Variants in LMO3 observed in about 807,000 individuals in gnomAD.
LMO3 encodes LIM domain only 3, also known as LIM domain only protein 3.
In LMO3, 2 loss-of-function variants were observed where a neutral mutation model predicts 15.8. That is an observed-to-expected ratio of 0.13 (90% CI 0.05 to 0.40). The LOEUF is 0.40. LMO3 is among the 10% of genes least tolerant of loss of function. The pLI is 0.99. For missense variants in LMO3, 86 were observed against 182.2 expected (o/e 0.47, Z 3.04); for synonymous variants, 62 against 63.8 (o/e 0.97, Z 0.13).
At chr12:16,607,702 C>CA (rs3832843), upstream of LMO3, 8 of 151,512 alleles carry the variant, frequency 5.3e-5, no homozygotes, top group Non-Finnish European at 1.0e-4. Flanking sequence ...TGTTGAACTA[C>CA]AAAAAACTTT....
chr12:16,593,554 G>A lies in LMO3; in HGVS notation c.206+7101C>T, dbSNP rs150114734. Among the ~76,000 whole-genome samples the A allele has an allele frequency of 8.7e-4, 132 of 151,786 alleles. No individual in the cohort carries two copies. Among genetic ancestry groups the A allele is most frequent in the Non-Finnish European group, 1.5e-3 (99 of 67,738 alleles). On this transcript the variant is annotated intron_variant, in intron 2 of 3. Coordinates refer to ENST00000537304, the MANE Select transcript of LMO3 (RefSeq NM_018640.5). This position sits in a 1 kb window ranked among gnomAD's most constrained non-coding sequence, Gnocchi z 4.2. ...ATTACATAACTACAAAAATACTGTT[G>A]AGAAGAAAAAGGTTTATCAAGAAGA...
At chr12:16,553,301 A>C (rs1296391698) in intron 3 of LMO3, among the ~76,000 whole-genome samples, 94 of 152,074 alleles carry the variant, frequency 6.2e-4, no homozygotes, top group Non-Finnish European at 2.1e-4. Flanking sequence ...TGGATTCAAG[A>C]CTCAAGCTTT....
chr12:16,571,028 TATA>T (rs941344254), intron 2 of LMO3, among the ~76,000 whole-genome samples: 7 of 152,160 alleles, frequency 4.6e-5, no homozygotes, highest in Non-Finnish European at 8.8e-5. Context: ...AAACTTAAAG[TATA>T]ATAATAATAA....
chr12:16,552,116 GTGT>G (rs1425208706), intron 3 of LMO3, among the ~76,000 whole-genome samples: 2 of 151,982 alleles, frequency 1.3e-5, no homozygotes, highest in Non-Finnish European at 2.9e-5. Context: ...TTTTTAATAA[GTGT>G]TCTTTCTGTA....
In LMO3 at chr12:16,604,881, T is replaced by C. The variant is rs1435117280; in HGVS notation, c.-9+1185A>G. 6.3e-7 allele frequency: 1 copy of C among 1,598,426 alleles called. No individual in the cohort carries two copies. Among genetic ancestry groups the C allele is most frequent in the African/African-American group, 1.3e-5 (1 of 75,032 alleles). On this transcript the variant is annotated intron_variant, in intron 1 of 3. Transcript: ENST00000537304. This position sits in a 1 kb window ranked among gnomAD's most constrained non-coding sequence, Gnocchi z 5.3. ...TAACCTTACCAAAACTTTTCTCCTT[T>C]TTCTGCATGAGTTGACTTAGGCGTG...
intron 2 of LMO3, among the ~76,000 whole-genome samples, chr12:16,578,128 C>A (rs1263090039): frequency 6.6e-6 from 1 of 152,100 alleles, no homozygotes; most frequent in African/African-American, 2.4e-5. Flanking sequence ...TCTTGCCAGG[C>A]AACAGAGACT....
Position 16,605,440 on chromosome 12 carries a change from C to T in LMO3, c.-9+626G>A, listed in dbSNP as rs1406371637. ...CACTTCTGCCCCTACCCGCCTGCCC[C>T]CCCCCCCCGCCCCCATGCCCAAACA... On this transcript the variant is annotated intron_variant, in intron 1 of 3. Coordinates refer to ENST00000537304, the MANE Select transcript of LMO3 (RefSeq NM_018640.5). The T allele has an allele frequency of 4.7e-5, 34 of 715,892 alleles. 2 individuals carry two copies. The highest frequency in any genetic ancestry group is 5.6e-5 in the Non-Finnish European group (33 of 592,290). 44.3% of individuals were successfully genotyped at this position (715,892 alleles called of 1,614,324 possible).
chr12:16,602,343 C>G (rs1231307742), intron 1 of LMO3: 1 of 152,186 alleles, frequency 6.6e-6, no homozygotes, highest in Non-Finnish European at 1.5e-5. Context: ...AAAAAAAATC[C>G]CACTGGTAAG....
At position 16,587,807 on chromosome 12, in the gene LMO3, G is replaced by C. The variant is rs984088230; in HGVS notation, c.206+12848C>G. On this transcript the variant is annotated intron_variant, in intron 2 of 3. Transcript: ENST00000537304. The surrounding 1 kb of genome is among the most constrained non-coding windows in gnomAD (Gnocchi z 4.3). ...AAAAATCTCACTGTGTCCTGAATGG[G>C]GGGTTTCAGGGGGAGGGAGAGGAAC... Among the ~76,000 whole-genome samples, 5 of 151,824 alleles carry C rather than the reference G, an allele frequency of 3.3e-5. No individual in the cohort carries two copies. The highest frequency in any genetic ancestry group is 1.2e-4 in the African/African-American group (5 of 41,394).
rs1397700120 is a variant in LMO3, at chr12:16,603,609, AT to A, written c.-9+2456del. 6.6e-6 allele frequency among the ~76,000 whole-genome samples: 1 copy of A among 152,206 alleles called. No homozygotes were observed. The highest frequency in any genetic ancestry group is 1.5e-5 in the Non-Finnish European group (1 of 68,040). ...ATTTGACAGTTTAAGGGAAATCATA[AT>A]TAAAAAAAAGACATAAATAATAGCC... On this transcript the variant is annotated intron_variant, in intron 1 of 3. Transcript: ENST00000537304. The surrounding 1 kb of genome is among the most constrained non-coding windows in gnomAD (Gnocchi z 4.9).
At position 16,597,861 on chromosome 12, in the gene LMO3, C is replaced by G. The variant is rs1943706329; in HGVS notation, c.206+2794G>C. The stretch of plus-strand genomic sequence containing the variant: ...ATTTGGAGGAAAATGAGAAAAATTA[C>G]TTTTAAAGCTCAGGAAAATAACCAC... On this transcript the variant is annotated intron_variant, in intron 2 of 3. Transcript: ENST00000537304. This position sits in a 1 kb window ranked among gnomAD's most constrained non-coding sequence, Gnocchi z 5.0. 2 of 151,760 alleles carry G rather than the reference C, an allele frequency of 1.3e-5. No homozygotes were observed. Among genetic ancestry groups the G allele is most frequent in the South Asian group, 4.1e-4 (2 of 4,826 alleles). The allele number at this position is 151,760 out of a possible 1,614,324, so 9.4% of individuals were successfully genotyped here.
chr12:16,585,506 A>G lies in LMO3; in HGVS notation c.206+15149T>C, dbSNP rs1019572342. The stretch of plus-strand genomic sequence containing the variant: ...ATTATTCAAATTCACCTAATTTTAC[A>G]TATAATTGCAGATTAGAAAACTAAT... On this transcript the variant is annotated intron_variant, in intron 2 of 3. Coordinates refer to ENST00000537304, the MANE Select transcript of LMO3 (RefSeq NM_018640.5). The surrounding 1 kb of genome is among the most constrained non-coding windows in gnomAD (Gnocchi z 4.7). Among the ~76,000 whole-genome samples, 32 of 152,332 alleles carry G rather than the reference A, an allele frequency of 2.1e-4. No homozygotes were observed. Among genetic ancestry groups the G allele is most frequent in the African/African-American group, 7.2e-4 (30 of 41,580 alleles).
Position 16,550,223 on chromosome 12 carries a change from A to T in LMO3, c.*999T>A, listed in dbSNP as rs1941938175. 3 of 152,354 alleles carry T rather than the reference A, an allele frequency of 2.0e-5. No homozygotes were observed. The highest frequency in any genetic ancestry group is 1.3e-4 in the Admixed American group (2 of 15,272). The allele number at this position is 152,354 out of a possible 1,614,324, so 9.4% of individuals were successfully genotyped here. On this transcript the variant is annotated 3_prime_UTR_variant, in exon 4 of 4. Transcript: ENST00000537304. The stretch of plus-strand genomic sequence containing the variant: ...CAAATCTTTTCAGTGTCATACATTT[A>T]TTAAGCCATAAAGTTATGAAACCCT...
intron 3 of LMO3, among the ~76,000 whole-genome samples, chr12:16,557,481 C>T (rs1405307249): frequency 6.6e-6 from 1 of 151,378 alleles, no homozygotes; most frequent in African/African-American, 2.4e-5. Context: ...TCCTGGAGAT[C>T]ATTAAGCAAT....
chr12:16,608,154 A>ATGTGTGCATGCATG (rs1944064886), upstream of LMO3: 1 of 140,978 alleles, frequency 7.1e-6, no homozygotes, highest in African/African-American at 2.5e-5. This position sits in a 1 kb window ranked among gnomAD's most constrained non-coding sequence, Gnocchi z 4.1. Context: ...GTGTGTGCAT[A>ATGTGTGCATGCATG]TGTGTGCATG....
At chr12:16,605,013 C>A in intron 1 of LMO3, 1 of 1,578,526 alleles carries the variant, frequency 6.3e-7, no homozygotes, top group Non-Finnish European at 8.5e-7. Context: ...CCTACACCGC[C>A]GAGGACCGAC....
rs752836962 is a variant in LMO3, at chr12:16,551,213, G to A, written c.*9C>T. 37 of 1,529,424 alleles carry A rather than the reference G, an allele frequency of 2.4e-5. No homozygotes were observed. The highest frequency in any genetic ancestry group is 3.2e-5 in the Non-Finnish European group (35 of 1,102,960). The allele number at this position is 1,529,424 out of a possible 1,614,324, so 94.7% of individuals were successfully genotyped here. On this transcript the variant is annotated 3_prime_UTR_variant, in exon 4 of 4. Coordinates refer to ENST00000537304, the MANE Select transcript of LMO3 (RefSeq NM_018640.5). The stretch of plus-strand genomic sequence containing the variant: ...TGCTTTGTATTCTTAATGGGGTGAT[G>A]TTGATAGATCAGCGAACCTGGGGTG...
intron 2 of LMO3, among the ~76,000 whole-genome samples, chr12:16,569,586 A>G (rs761196144): frequency 2.6e-5 from 4 of 152,206 alleles, no homozygotes; most frequent in Non-Finnish European, 5.9e-5. Context: ...AAAGTAAAAT[A>G]GAATGTTTTT....
chr12:16,596,156 T>C lies in LMO3; in HGVS notation c.206+4499A>G, dbSNP rs1173830756. ...GCTAGATTTATGCCCTATGTGGCAA[T>C]TTATTTTTATTTTCTCTTTTAGAGT... On this transcript the variant is annotated intron_variant, in intron 2 of 3. Coordinates refer to ENST00000537304, the MANE Select transcript of LMO3 (RefSeq NM_018640.5). The surrounding 1 kb of genome is among the most constrained non-coding windows in gnomAD (Gnocchi z 4.3). Among the ~76,000 whole-genome samples, 1 of 151,568 alleles carries C rather than the reference T, an allele frequency of 6.6e-6. No homozygotes were observed. The highest frequency in any genetic ancestry group is 1.5e-5 in the Non-Finnish European group (1 of 67,568).
Sources: allele counts gnomAD v4.1 joint callset (sites outside exome capture counted in the v4.1 genomes callset), GRCh38; gene constraint gnomAD v4.1.1; non-coding constraint Gnocchi (gnomAD v3.1); transcripts MANE v1.5; gene names NCBI Gene and HGNC (gene_info 2026-07-23, HGNC 2026-07-21).